INPP4B: variants seen among roughly 807,000 people sequenced by gnomAD.
The protein encoded by INPP4B is inositol polyphosphate 4-phosphatase type II.
Under a neutral mutation model 122.5 loss-of-function variants are expected in INPP4B, and 55 were observed. The ratio of observed to expected loss-of-function variants is 0.45; its 90% CI spans 0.36 to 0.56. INPP4B has a LOEUF of 0.56. INPP4B is among the 20% of genes least tolerant of loss of function. The pLI is 0.00. For synonymous variants in INPP4B, 403 were observed against 388.7 expected (o/e 1.04, Z -0.43); for missense variants, 1,000 against 1,097.7 (o/e 0.91, Z 1.26).
At chr4:142,146,413 T>C (rs1266763082) in intron 17 of INPP4B, among the ~76,000 whole-genome samples, 1 of 152,160 alleles carries the variant, frequency 6.6e-6, no homozygotes, top group South Asian at 2.1e-4. Context: ...TGGTTATATA[T>C]ACATATATAT....
intron 12 of INPP4B, among the ~76,000 whole-genome samples, chr4:142,215,138 T>C (rs182305818): frequency 1.3e-5 from 2 of 152,284 alleles, no homozygotes; most frequent in East Asian, 3.9e-4. Context: ...GCTCAGAGAA[T>C]AACCTGAAAC....
At chr4:142,140,071 G>A (rs1480169000) in intron 18 of INPP4B, among the ~76,000 whole-genome samples, 25 of 152,196 alleles carry the variant, frequency 1.6e-4, no homozygotes, top group Non-Finnish European at 1.5e-5. Context: ...TGTGGAATGT[G>A]CCTTACAAGT....
At chr4:142,781,908 T>C (rs1194689667) in intron 1 of INPP4B, among the ~76,000 whole-genome samples, 2 of 152,136 alleles carry the variant, frequency 1.3e-5, no homozygotes, top group African/African-American at 4.8e-5. Context: ...CTTTACTTAC[T>C]GGTCACTGGT....
chr4:142,060,108 G>A (rs1324785112), intron 25 of INPP4B, among the ~76,000 whole-genome samples: 1 of 152,076 alleles, frequency 6.6e-6, no homozygotes, highest in African/African-American at 2.4e-5. Flanking sequence ...TTTCAATGCA[G>A]GAATCTCACC....
chr4:142,751,128 C>A (rs1356765474), intron 1 of INPP4B, among the ~76,000 whole-genome samples: 1 of 151,646 alleles, frequency 6.6e-6, no homozygotes, highest in Non-Finnish European at 1.5e-5. Context: ...CAAAAAGGGG[C>A]CCATGTAAGC....
intron 2 of INPP4B, among the ~76,000 whole-genome samples, chr4:142,587,819 A>C (rs978489781): frequency 6.6e-6 from 1 of 152,078 alleles, no homozygotes; most frequent in Non-Finnish European, 1.5e-5. Flanking sequence ...CAGAAAGAAC[A>C]CTTCCTCTTA....
chr4:142,492,660 A>G (rs1000829747), intron 2 of INPP4B, among the ~76,000 whole-genome samples: 6 of 152,154 alleles, frequency 3.9e-5, no homozygotes, highest in African/African-American at 1.4e-4. Context: ...GGAACTTTGA[A>G]CTTGAGAGAG....
At chr4:142,075,394 C>T (rs1268754390) in intron 25 of INPP4B, among the ~76,000 whole-genome samples, 1 of 151,806 alleles carries the variant, frequency 6.6e-6, no homozygotes, top group Admixed American at 6.6e-5. Flanking sequence ...CTGGGGGCCC[C>T]GGATATGCAC....
At position 142,025,389 on chromosome 4, in the gene INPP4B, C is replaced by T. The variant is rs1003756557; in HGVS notation, c.*3393G>A. Reference sequence around the variant, plus strand: ...GGGAAGTGGTATGTTTTGATTATTACATTGGTTTTTAATGTATTCCACTGT... The same window carrying T: ...GGGAAGTGGTATGTTTTGATTATTATATTGGTTTTTAATGTATTCCACTGT... On this transcript the variant is annotated 3_prime_UTR_variant, in exon 26 of 26. Coordinates refer to ENST00000262992, the MANE Select transcript of INPP4B (RefSeq NM_001101669.3). The T allele has an allele frequency of 6.6e-6, 1 of 152,070 alleles. No individual in the cohort carries two copies. Among genetic ancestry groups the T allele is most frequent in the East Asian group, 1.9e-4 (1 of 5,188 alleles). The allele number at this position is 152,070 out of a possible 1,614,324, so 9.4% of individuals were successfully genotyped here. A position where few individuals can be genotyped will look rare whatever the true frequency, so the allele number is the denominator to read the frequency against.
At chr4:142,605,020 C>T (rs564606905) in intron 2 of INPP4B, among the ~76,000 whole-genome samples, 229 of 152,094 alleles carry the variant, frequency 1.5e-3, no homozygotes, top group African/African-American at 5.4e-3. Context: ...TAAAAACAGA[C>T]ACATAGACAA....
chr4:142,147,158 A>G (rs1400112000), intron 17 of INPP4B, among the ~76,000 whole-genome samples: 1 of 152,068 alleles, frequency 6.6e-6, no homozygotes, highest in Non-Finnish European at 1.5e-5. Flanking sequence ...TGCTTTCTCT[A>G]TAATAGAGCT....
intron 2 of INPP4B, among the ~76,000 whole-genome samples, chr4:142,601,602 AGAAAGATTTCAAATATACAACCT>A (rs1739938801): frequency 6.6e-6 from 1 of 151,400 alleles, no homozygotes; most frequent in Non-Finnish European, 1.5e-5. Flanking sequence ...AAAAAAGACC[AGAAAGATTTCAAATATACAACCT>A]AATGATGCAC....
chr4:142,414,244 A>G (rs932452532), intron 5 of INPP4B, among the ~76,000 whole-genome samples: 1 of 152,032 alleles, frequency 6.6e-6, no homozygotes, highest in Non-Finnish European at 1.5e-5. Flanking sequence ...AAAACATGTC[A>G]CCATTATTTT....
At chr4:142,755,971 T>C (rs1170854498) in intron 1 of INPP4B, among the ~76,000 whole-genome samples, 1 of 152,058 alleles carries the variant, frequency 6.6e-6, no homozygotes, top group Non-Finnish European at 1.5e-5. Flanking sequence ...CAGTTTTTAC[T>C]AGGTATCAAA....
chr4:142,029,866 G>C (rs1738702744), intron 25 of INPP4B: 1 of 1,101,774 alleles, frequency 9.1e-7, no homozygotes, highest in South Asian at 3.3e-5. Flanking sequence ...TCTGTTCTTT[G>C]TCTTATTCCA....
At position 142,092,915 on chromosome 4, in the gene INPP4B, C is replaced by A. The variant is rs559787318; in HGVS notation, c.2375-6659G>T. Among the ~76,000 whole-genome samples the A allele has an allele frequency of 1.8e-4, 28 of 152,234 alleles. No homozygotes were observed. In the South Asian group the frequency reaches 3.3e-3, roughly 18 times the overall value. The stretch of plus-strand genomic sequence containing the variant: ...AAACATAGTTCTACATTCTTCGACA[C>A]TTTTTATTGAAAGACGTGGAATGTA... On this transcript the variant is annotated intron_variant, in intron 23 of 25. Transcript: ENST00000262992.
chr4:142,668,586 C>T (rs1756494798), intron 2 of INPP4B, among the ~76,000 whole-genome samples: 1 of 152,124 alleles, frequency 6.6e-6, no homozygotes, highest in African/African-American at 2.4e-5. Context: ...CTTGTTCTTA[C>T]ATATTGAAAA....
chr4:142,799,930 T>C lies in INPP4B; in HGVS notation c.-254+46279A>G, dbSNP rs781659887. Reference sequence around the variant, plus strand: ...ATTCAGATTATAAATAATGATGCAATGAACACTCTTATACATAAAATCTTT... The same window carrying C: ...ATTCAGATTATAAATAATGATGCAACGAACACTCTTATACATAAAATCTTT... On this transcript the variant is annotated intron_variant, in intron 1 of 25. Transcript: ENST00000262992. Among the ~76,000 whole-genome samples the C allele has an allele frequency of 5.5e-4, 83 of 151,300 alleles. No homozygotes were observed. The Middle Eastern group carries it at 0.01, about 19-fold the overall frequency.
intron 2 of INPP4B, among the ~76,000 whole-genome samples, chr4:142,577,336 G>A (rs1199312325): frequency 6.6e-6 from 1 of 151,940 alleles, no homozygotes; most frequent in Non-Finnish European, 1.5e-5. Context: ...ACTGATGACA[G>A]AATTAGGAAG....
Sources: allele counts gnomAD v4.1 joint callset (sites outside exome capture counted in the v4.1 genomes callset), GRCh38; gene constraint gnomAD v4.1.1; transcripts MANE v1.5; gene names NCBI Gene and HGNC (gene_info 2026-07-23, HGNC 2026-07-21).